The following NRXN1 variants were observed in gnomAD, a reference collection of about 807,000 sequenced individuals.
The protein encoded by NRXN1 is neurexin 1, also known as neurexin-1.
In NRXN1, 39 loss-of-function variants were observed where a neutral mutation model predicts 150.9. The observed-to-expected ratio is 0.26, with a 90% confidence interval of 0.20 to 0.34. The LOEUF is 0.34. Among genes scored for constraint, NRXN1 ranks in the 10% least tolerant of loss-of-function variants. The pLI is 1.00. For synonymous variants in NRXN1, 924 were observed against 757.0 expected, an observed-to-expected ratio of 1.22 and a Z score of -3.62; for missense variants, 1,815 against 1,949.9, an observed-to-expected ratio of 0.93 and a Z score of 1.30.
At chr2:50,935,629 A>G (rs1688422731) in intron 2 of NRXN1, among the ~76,000 whole-genome samples, 1 of 152,152 alleles carries the variant, frequency 6.6e-6, no homozygotes, top group African/African-American at 2.4e-5. Flanking sequence ...CAGGAGGCTG[A>G]GGCCGGATAA....
At chr2:50,806,299 C>T (rs971562676) in intron 5 of NRXN1, among the ~76,000 whole-genome samples, 1 of 152,210 alleles carries the variant, frequency 6.6e-6, no homozygotes, top group South Asian at 2.1e-4. Flanking sequence ...TGTTTTGTAA[C>T]TAATGATGGC....
intron 21 of NRXN1, among the ~76,000 whole-genome samples, chr2:50,026,877 T>C (rs1392607797): frequency 6.4e-5 from 3 of 46,618 alleles, no homozygotes; most frequent in Non-Finnish European, 1.1e-4. Context: ...TTTTTTTTTT[T>C]TTTTTTTTTT....
At chr2:50,627,521 T>C (rs1053151361) in intron 5 of NRXN1, among the ~76,000 whole-genome samples, 4 of 151,562 alleles carry the variant, frequency 2.6e-5, no homozygotes, top group African/African-American at 9.7e-5. Context: ...AAAATGAAAT[T>C]GGATCTTTAC....
chr2:49,997,157 T>C (rs899572952), intron 21 of NRXN1, among the ~76,000 whole-genome samples: 1 of 152,046 alleles, frequency 6.6e-6, no homozygotes, highest in Non-Finnish European at 1.5e-5. Flanking sequence ...GTCAACACGG[T>C]GGGTGGACAG....
At chr2:50,083,116 TA>T (rs1698208051) in intron 19 of NRXN1, among the ~76,000 whole-genome samples, 1 of 152,236 alleles carries the variant, frequency 6.6e-6, no homozygotes, top group African/African-American at 2.4e-5. Context: ...AAGAGAACTT[TA>T]TGAAAGTCAC....
chr2:50,442,043 A>G lies in NRXN1; in HGVS notation c.3364+23399T>C, dbSNP rs1054915120. On this transcript the variant is annotated intron_variant, in intron 17 of 22. Coordinates refer to ENST00000401669, the MANE Select transcript of NRXN1 (RefSeq NM_001330078.2). Reference sequence around the variant, plus strand: ...TCAGCCTTCAGTACACTGTCTTAACATATGTCCATCACTGTGGCTATACTG... The same window carrying G: ...TCAGCCTTCAGTACACTGTCTTAACGTATGTCCATCACTGTGGCTATACTG... 5.3e-5 allele frequency among the ~76,000 whole-genome samples: 8 copies of G among 152,270 alleles called. No homozygotes were observed. In the East Asian group the frequency reaches 1.5e-3, roughly 29 times the overall value.
chr2:50,999,748 C>T (rs138612665), intron 2 of NRXN1, among the ~76,000 whole-genome samples: 1 of 151,972 alleles, frequency 6.6e-6, no homozygotes. Context: ...TCCATTTCCA[C>T]TCTATGGTAA....
intron 18 of NRXN1, among the ~76,000 whole-genome samples, chr2:50,196,197 C>T (rs2061753183): frequency 6.6e-6 from 1 of 152,006 alleles, no homozygotes; most frequent in Non-Finnish European, 1.5e-5. Context: ...TGTTCAGCTC[C>T]CACTTATAAG....
chr2:50,200,197 C>G (rs1018540872), intron 18 of NRXN1, among the ~76,000 whole-genome samples: 3 of 152,146 alleles, frequency 2.0e-5, no homozygotes, highest in Non-Finnish European at 2.9e-5. Flanking sequence ...ATTACATACC[C>G]ACCCATAAAT....
At chr2:50,763,306 G>C (rs1392460983) in intron 5 of NRXN1, among the ~76,000 whole-genome samples, 1 of 151,870 alleles carries the variant, frequency 6.6e-6, no homozygotes, top group Admixed American at 6.6e-5. Context: ...AGCTGGTCAG[G>C]TCTACCTGCT....
intron 5 of NRXN1, among the ~76,000 whole-genome samples, chr2:50,694,418 G>C (rs1002543644): frequency 1.3e-5 from 2 of 152,140 alleles, no homozygotes; most frequent in Non-Finnish European, 1.5e-5. Flanking sequence ...CAACTTCTAA[G>C]CTGTATACTA....
intron 2 of NRXN1, among the ~76,000 whole-genome samples, chr2:50,944,389 A>G (rs899838171): frequency 1.3e-5 from 2 of 152,100 alleles, no homozygotes; most frequent in Non-Finnish European, 2.9e-5. Context: ...AGCCTCAGTC[A>G]CCCTATCTTT....
At chr2:50,881,379 T>C (rs1237102896) in intron 5 of NRXN1, among the ~76,000 whole-genome samples, 2 of 151,974 alleles carry the variant, frequency 1.3e-5, no homozygotes, top group East Asian at 1.9e-4. Context: ...AAAAATAGCA[T>C]TGAATCCTGT....
At chr2:50,832,436 G>A (rs1396673088) in intron 5 of NRXN1, among the ~76,000 whole-genome samples, 3 of 152,110 alleles carry the variant, frequency 2.0e-5, no homozygotes, top group Non-Finnish European at 4.4e-5. Context: ...CCGATCACCT[G>A]TGGGTCAGGA....
rs569203141 is a variant in NRXN1, at chr2:50,506,467, GA to G, written c.2497+27del. ...ATGAGAGTCAAAAGCGTTAGCATAG[GA>G]AAAGACAATGGGACAGAGGTGTTTA... is the stretch of plus-strand genomic sequence containing the variant. On this transcript the variant is annotated intron_variant, in intron 13 of 22. Transcript: ENST00000401669. The G allele has an allele frequency of 7.1e-4, 1,132 of 1,598,486 alleles. 17 individuals carry two copies. The South Asian group carries it at 0.011, about 15-fold the overall frequency.
intron 13 of NRXN1, among the ~76,000 whole-genome samples, chr2:50,505,806 C>A (rs906518088): frequency 1.3e-5 from 2 of 152,134 alleles, no homozygotes; most frequent in Non-Finnish European, 2.9e-5. Context: ...GAATAATTAA[C>A]ATGGCTATCT....
intron 5 of NRXN1, among the ~76,000 whole-genome samples, chr2:50,836,502 G>A (rs1335265014): frequency 6.6e-6 from 1 of 151,800 alleles, no homozygotes; most frequent in East Asian, 1.9e-4. Context: ...CCAGCCTCTG[G>A]TAACCACCAT....
intron 17 of NRXN1, among the ~76,000 whole-genome samples, chr2:50,248,157 C>T (rs2066684672): frequency 6.6e-6 from 1 of 152,018 alleles, no homozygotes; most frequent in Non-Finnish European, 1.5e-5. Flanking sequence ...GGGCTTCAGG[C>T]ACATGGCCAC....
intron 2 of NRXN1, among the ~76,000 whole-genome samples, chr2:50,987,546 A>C (rs1697913173): frequency 6.6e-6 from 1 of 152,064 alleles, no homozygotes; most frequent in African/African-American, 2.4e-5. Context: ...GTGTGTGTCT[A>C]AAGTTTATTT....
Sources: allele counts gnomAD v4.1 joint callset (sites outside exome capture counted in the v4.1 genomes callset), GRCh38; gene constraint gnomAD v4.1.1; transcripts MANE v1.5; gene names NCBI Gene and HGNC (gene_info 2026-07-23, HGNC 2026-07-21).